The following ASB18 variants were observed in gnomAD, a reference collection of about 807,000 sequenced individuals.
ASB18 encodes the protein ankyrin repeat and SOCS box protein 18.
ASB18 carries 33 observed loss-of-function variants against 33.4 expected under a neutral mutation model. The ratio of observed to expected loss-of-function variants is 0.99; its 90% CI spans 0.75 to 1.32. The LOEUF is 1.32. Among genes scored for constraint, ASB18 ranks in the 40% most tolerant of loss-of-function variants. The pLI is 0.00. For synonymous variants in ASB18, 295 were observed against 307.6 expected (o/e 0.96, Z 0.43); for missense variants, 694 against 655.5 (o/e 1.06, Z -0.64).
Position 236,255,942 on chromosome 2 carries a change from C to T in ASB18, c.205+8199G>A, listed in dbSNP as rs537585200. ...GCCTCCCAGGAACATGCTCCTGTTTCGAGGGTCAAGTCAGAGGATTTCTAC... is the reference window on the plus strand; with the variant it reads ...GCCTCCCAGGAACATGCTCCTGTTTTGAGGGTCAAGTCAGAGGATTTCTAC... On this transcript the variant is annotated intron_variant, in intron 1 of 5. Coordinates refer to ENST00000409749, the MANE Select transcript of ASB18 (RefSeq NM_212556.4). The surrounding 1 kb of genome is among the most constrained non-coding windows in gnomAD (Gnocchi z 4.4). Among the ~76,000 whole-genome samples, 2 of 152,140 alleles carry T rather than the reference C, an allele frequency of 1.3e-5. No homozygotes were observed. Among genetic ancestry groups the T allele is most frequent in the African/African-American group, 4.8e-5 (2 of 41,424 alleles).
Position 236,237,828 on chromosome 2 carries a change from G to A in ASB18, c.457C>T (p.Arg153Cys), listed in dbSNP as rs1559335293. The change falls in exon 3 of 6, where the codon CGC becomes TGC. Residue 153 changes from arginine (R) to cysteine (C), a missense_variant. Coordinates refer to ENST00000409749, the MANE Select transcript of ASB18 (RefSeq NM_212556.4). This position sits in a 1 kb window ranked among gnomAD's most constrained non-coding sequence, Gnocchi z 6.2. ...GADPDASPGG[R>C]GALHEACLGG... The stretch of plus-strand genomic sequence containing the variant: ...AGGCAGGCCTCGTGCAGGGCGCCGC[G>A]GCCGCCGGGGCTGGCGTCTGGGTCT... The A allele has an allele frequency of 7.3e-7, 1 of 1,374,052 alleles. No individual in the cohort carries two copies. The highest frequency in any genetic ancestry group is 9.3e-7 in the Non-Finnish European group (1 of 1,074,898). 85.1% of individuals were successfully genotyped at this position (1,374,052 alleles called of 1,614,324 possible). A position where few individuals can be genotyped will look rare whatever the true frequency, so the allele number is the denominator to read the frequency against.
rs554248227 is a variant in ASB18, at chr2:236,249,708, G to A, written c.206-8306C>T. The A allele has an allele frequency of 4.6e-5, 7 of 152,188 alleles. No individual in the cohort carries two copies. The highest frequency in any genetic ancestry group is 2.1e-4 in the South Asian group (1 of 4,812). 9.4% of individuals were successfully genotyped at this position (152,188 alleles called of 1,614,324 possible). On this transcript the variant is annotated intron_variant, in intron 1 of 5. Transcript: ENST00000409749. The surrounding 1 kb of genome is among the most constrained non-coding windows in gnomAD (Gnocchi z 4.6). ...GGAAGCTTATTTGTGTGGGTGGACCGTGGCAGAATACTAAACAAATGTAAT... is the reference window on the plus strand; with the variant it reads ...GGAAGCTTATTTGTGTGGGTGGACCATGGCAGAATACTAAACAAATGTAAT...
At chr2:236,207,794 C>A (rs1055547761) in intron 4 of ASB18, among the ~76,000 whole-genome samples, 3 of 151,426 alleles carry the variant, frequency 2.0e-5, no homozygotes, top group African/African-American at 7.3e-5. Flanking sequence ...TGTGGCTTCA[C>A]AGGCTTCCCC....
Position 236,214,985 on chromosome 2 carries a change from C to G in ASB18, c.597-119G>C. 1 of 769,348 alleles carries G rather than the reference C, an allele frequency of 1.3e-6. No homozygotes were observed. The highest frequency in any genetic ancestry group is 1.7e-6 in the Non-Finnish European group (1 of 584,830). The allele number at this position is 769,348 out of a possible 1,614,324, so 47.7% of individuals were successfully genotyped here. ...TGAATGAAAAGACATGCTCCGCTCT[C>G]CCATACCAAGGCGTCAGGAGTTCAA... On this transcript the variant is annotated intron_variant, in intron 3 of 5. Coordinates refer to ENST00000409749, the MANE Select transcript of ASB18 (RefSeq NM_212556.4). This position sits in a 1 kb window ranked among gnomAD's most constrained non-coding sequence, Gnocchi z 6.5.
Position 236,211,874 on chromosome 2 carries a change from T to A in ASB18, c.1101+2488A>T, listed in dbSNP as rs947870120. On this transcript the variant is annotated intron_variant, in intron 4 of 5. Transcript: ENST00000409749. This position sits in a 1 kb window ranked among gnomAD's most constrained non-coding sequence, Gnocchi z 5.0. Reference sequence around the variant, plus strand: ...ATCCTCTCCTGGCCAGGTGTAGGGGTACCCACTGGAGGTGTGGGGGAATCC... The same window carrying A: ...ATCCTCTCCTGGCCAGGTGTAGGGGAACCCACTGGAGGTGTGGGGGAATCC... Among the ~76,000 whole-genome samples the A allele has an allele frequency of 2.0e-5, 3 of 152,090 alleles. No homozygotes were observed. The highest frequency in any genetic ancestry group is 2.0e-4 in the Admixed American group (3 of 15,272).
At chr2:236,199,127 C>T (rs2060387218) in intron 4 of ASB18, among the ~76,000 whole-genome samples, 1 of 152,058 alleles carries the variant, frequency 6.6e-6, no homozygotes, top group Non-Finnish European at 1.5e-5. Context: ...AAAAGATTTT[C>T]CAGGTCGGAA....
At chr2:236,246,997 C>T (rs550959583) in intron 1 of ASB18, among the ~76,000 whole-genome samples, 81 of 152,244 alleles carry the variant, frequency 5.3e-4, no homozygotes, top group Middle Eastern at 3.4e-3. Context: ...AGAGGTAAGT[C>T]CAGGGATAAA....
At position 236,253,153 on chromosome 2, in the gene ASB18, C is replaced by A. The variant is rs947519316; in HGVS notation, c.205+10988G>T. Reference sequence around the variant, plus strand: ...CACCCAACGCTGACCCCTGAGCTCACGAGCCACTGGGAGGATGGTGGGTGT... The same window carrying A: ...CACCCAACGCTGACCCCTGAGCTCAAGAGCCACTGGGAGGATGGTGGGTGT... On this transcript the variant is annotated intron_variant, in intron 1 of 5. Coordinates refer to ENST00000409749, the MANE Select transcript of ASB18 (RefSeq NM_212556.4). This position sits in a 1 kb window ranked among gnomAD's most constrained non-coding sequence, Gnocchi z 5.4. 1.3e-5 allele frequency among the ~76,000 whole-genome samples: 2 copies of A among 152,180 alleles called. No individual in the cohort carries two copies. Among genetic ancestry groups the A allele is most frequent in the Non-Finnish European group, 2.9e-5 (2 of 68,044 alleles).
Position 236,194,370 on chromosome 2 carries a change from T to C in ASB18, c.*502A>G, listed in dbSNP as rs1283692672. Among the ~76,000 whole-genome samples the C allele has an allele frequency of 6.6e-6, 1 of 152,220 alleles. No homozygotes were observed. Among genetic ancestry groups the C allele is most frequent in the Non-Finnish European group, 1.5e-5 (1 of 68,034 alleles). On this transcript the variant is annotated 3_prime_UTR_variant, in exon 6 of 6. Coordinates refer to ENST00000409749, the MANE Select transcript of ASB18 (RefSeq NM_212556.4). The surrounding 1 kb of genome is among the most constrained non-coding windows in gnomAD (Gnocchi z 4.5). ...TATTAATCTCTTTTAAAGGTATGTG[T>C]AGCTTGCCTTTATTTCAATCTTTAC...
chr2:236,262,330 G>A lies in ASB18; in HGVS notation c.205+1811C>T, dbSNP rs1396403935. 2.0e-5 allele frequency among the ~76,000 whole-genome samples: 3 copies of A among 152,212 alleles called. No individual in the cohort carries two copies. The highest frequency in any genetic ancestry group is 7.2e-5 in the African/African-American group (3 of 41,466). On this transcript the variant is annotated intron_variant, in intron 1 of 5. Transcript: ENST00000409749. The surrounding 1 kb of genome is among the most constrained non-coding windows in gnomAD (Gnocchi z 5.2). ...GCTGAAGGCAGGCCGGGTTACAGGG[G>A]CTACAGGAGACCACTTACAGGTGGC...
Position 236,241,475 on chromosome 2 carries a change from G to T in ASB18, c.206-73C>A. Reference sequence around the variant, plus strand: ...GCTTGAGGATCCTTCTCTGTCTTTTGAAATATTTGAAGTTTTCCTCTCACT... The same window carrying T: ...GCTTGAGGATCCTTCTCTGTCTTTTTAAATATTTGAAGTTTTCCTCTCACT... On this transcript the variant is annotated intron_variant, in intron 1 of 5. Transcript: ENST00000409749. The surrounding 1 kb of genome is among the most constrained non-coding windows in gnomAD (Gnocchi z 4.2). 5.7e-6 allele frequency: 9 copies of T among 1,581,862 alleles called. No homozygotes were observed. Among genetic ancestry groups the T allele is most frequent in the Non-Finnish European group, 7.8e-6 (9 of 1,156,004 alleles).
rs574936196 is a variant in ASB18, at chr2:236,215,020, GAAAAAA to G, written c.597-160_597-155del. On this transcript the variant is annotated intron_variant, in intron 3 of 5. Coordinates refer to ENST00000409749, the MANE Select transcript of ASB18 (RefSeq NM_212556.4). This position sits in a 1 kb window ranked among gnomAD's most constrained non-coding sequence, Gnocchi z 7.2. Reference sequence around the variant, plus strand: ...GGCGTCAGGAGTTCAAACTAAACTGGAAAAAAAAAAAAAAAAAAAGAGATTATGGCA... The same window carrying G: ...GGCGTCAGGAGTTCAAACTAAACTGGAAAAAAAAAAAAAGAGATTATGGCA... Among the ~76,000 whole-genome samples the G allele has an allele frequency of 1.0e-3, 124 of 120,056 alleles. No homozygotes were observed. The highest frequency in any genetic ancestry group is 3.3e-3 in the African/African-American group (112 of 33,808). The allele number at this position is 120,056 out of a possible 152,430, so 78.8% of individuals were successfully genotyped here.
chr2:236,224,990 A>G (rs762743622), intron 3 of ASB18, among the ~76,000 whole-genome samples: 2 of 152,170 alleles, frequency 1.3e-5, no homozygotes, highest in Non-Finnish European at 2.9e-5. Flanking sequence ...TGGATTATGT[A>G]TCAATGCCTG....
Position 236,264,356 on chromosome 2 carries a change from T to G in ASB18, c.-11A>C. ...ATCCGAGTTGGACATTGTTACGTCG[T>G]TTCTGCAGTGACCAGCCCTTCTTTT... On this transcript the variant is annotated 5_prime_UTR_variant, in exon 1 of 6. Coordinates refer to ENST00000409749, the MANE Select transcript of ASB18 (RefSeq NM_212556.4). This position sits in a 1 kb window ranked among gnomAD's most constrained non-coding sequence, Gnocchi z 5.1. 1 of 1,612,934 alleles carries G rather than the reference T, an allele frequency of 6.2e-7. No homozygotes were observed. Among genetic ancestry groups the G allele is most frequent in the Non-Finnish European group, 8.5e-7 (1 of 1,178,892 alleles).
In ASB18 at chr2:236,259,043, G is replaced by A. The variant is rs115249978; in HGVS notation, c.205+5098C>T. 0.02 allele frequency among the ~76,000 whole-genome samples: 3,081 copies of A among 152,246 alleles called. 86 individuals are homozygous for A. Among genetic ancestry groups the A allele is most frequent in the African/African-American group, 0.059 (2,441 of 41,518 alleles). On this transcript the variant is annotated intron_variant, in intron 1 of 5. Coordinates refer to ENST00000409749, the MANE Select transcript of ASB18 (RefSeq NM_212556.4). This position sits in a 1 kb window ranked among gnomAD's most constrained non-coding sequence, Gnocchi z 4.4. Reference sequence around the variant, plus strand: ...TGTACAGTTGATGCATTTGGGGGGCGAGATGGGTCTCACTGCCCCTCCCCC... The same window carrying A: ...TGTACAGTTGATGCATTTGGGGGGCAAGATGGGTCTCACTGCCCCTCCCCC...
chr2:236,233,624 A>G (rs2060576667), intron 3 of ASB18, among the ~76,000 whole-genome samples: 1 of 152,210 alleles, frequency 6.6e-6, no homozygotes, highest in Non-Finnish European at 1.5e-5. Flanking sequence ...TATAGTAGTT[A>G]CACACAATCA....
Position 236,222,539 on chromosome 2 carries a change from A to G in ASB18, c.597-7673T>C, listed in dbSNP as rs1490237283. ...TACAGTCAGCTCCACTGTGTGCCCCATGATATAGTTTGGATATTTATCACT... is the reference window on the plus strand; with the variant it reads ...TACAGTCAGCTCCACTGTGTGCCCCGTGATATAGTTTGGATATTTATCACT... On this transcript the variant is annotated intron_variant, in intron 3 of 5. Transcript: ENST00000409749. This position sits in a 1 kb window ranked among gnomAD's most constrained non-coding sequence, Gnocchi z 5.5. Among the ~76,000 whole-genome samples, 1 of 152,212 alleles carries G rather than the reference A, an allele frequency of 6.6e-6. No individual in the cohort carries two copies. The highest frequency in any genetic ancestry group is 1.5e-5 in the Non-Finnish European group (1 of 68,046).
intron 4 of ASB18, among the ~76,000 whole-genome samples, chr2:236,202,364 G>A (rs932219287): frequency 1.3e-5 from 2 of 151,716 alleles, no homozygotes; most frequent in Admixed American, 6.6e-5. Context: ...TCAAGCGTTT[G>A]GTCTCACTCT....
rs2060634039 is a variant in ASB18 at position 236,244,156 on chromosome 2, G to A, written c.206-2754C>T. Among the ~76,000 whole-genome samples the A allele has an allele frequency of 6.6e-6, 1 of 152,130 alleles. No individual in the cohort carries two copies. The highest frequency in any genetic ancestry group is 1.5e-5 in the Non-Finnish European group (1 of 68,028). Reference sequence around the variant, plus strand: ...TTCTTTCTTTCTTTCAACCATTCTTGTTTTTCCCCACCAGGAAGTTGGAAT... The same window carrying A: ...TTCTTTCTTTCTTTCAACCATTCTTATTTTTCCCCACCAGGAAGTTGGAAT... On this transcript the variant is annotated intron_variant, in intron 1 of 5. Transcript: ENST00000409749. The surrounding 1 kb of genome is among the most constrained non-coding windows in gnomAD (Gnocchi z 6.1).
Sources: allele counts gnomAD v4.1 joint callset (sites outside exome capture counted in the v4.1 genomes callset), GRCh38; gene constraint gnomAD v4.1.1; non-coding constraint Gnocchi (gnomAD v3.1); transcripts MANE v1.5; gene names NCBI Gene and HGNC (gene_info 2026-07-23, HGNC 2026-07-21).